Variants in GALNT13 observed in about 807,000 individuals in gnomAD.
The protein encoded by GALNT13 is polypeptide N-acetylgalactosaminyltransferase 13.
A neutral mutation model predicts 64.2 loss-of-function variants in GALNT13; 28 were observed. The ratio of observed to expected loss-of-function variants is 0.44; its 90% CI spans 0.32 to 0.60. GALNT13 has a LOEUF of 0.60. Among genes scored for constraint, GALNT13 ranks in the 20% least tolerant of loss-of-function variants. The probability of loss-of-function intolerance (pLI) is 0.05; values close to 1 mark genes in which losing one functional copy is unlikely to be tolerated. For synonymous variants in GALNT13, 214 were observed against 224.6 expected, an observed-to-expected ratio of 0.95 and a Z score of 0.42; for missense variants, 577 against 669.8, an observed-to-expected ratio of 0.86 and a Z score of 1.53.
intron 3 of GALNT13, among the ~76,000 whole-genome samples, chr2:154,100,838 G>A (rs1702309449): frequency 6.6e-6 from 1 of 152,102 alleles, no homozygotes; most frequent in East Asian, 1.9e-4. Flanking sequence ...CTGGCTGTGG[G>A]TTTGTGATAC....
chr2:153,981,692 G>A (rs141948551), intron 3 of GALNT13, among the ~76,000 whole-genome samples: 1 of 151,994 alleles, frequency 6.6e-6, no homozygotes, highest in East Asian at 1.9e-4. Context: ...GAAACTATAG[G>A]CAAAAGTTGC....
chr2:153,188,252 A>G, the GALNT13 span, among the ~76,000 whole-genome samples: 1 of 152,156 alleles, frequency 6.6e-6, no homozygotes, highest in African/African-American at 2.4e-5. Context: ...TTATGAAGAC[A>G]TTTAATTTTA....
chr2:153,167,721 G>C, the GALNT13 span, among the ~76,000 whole-genome samples: 1 of 152,162 alleles, frequency 6.6e-6, no homozygotes, highest in African/African-American at 2.4e-5. Flanking sequence ...TTAGGTTACA[G>C]AGCAAGGGGA....
chr2:153,664,192 C>A, the GALNT13 span, among the ~76,000 whole-genome samples: 17 of 152,272 alleles, frequency 1.1e-4, no homozygotes, highest in African/African-American at 3.4e-4. Flanking sequence ...GAGACCAGGG[C>A]ATATTTCATC....
At chr2:153,411,480 G>T in the GALNT13 span, among the ~76,000 whole-genome samples, 13 of 152,284 alleles carry the variant, frequency 8.5e-5, no homozygotes, top group African/African-American at 3.1e-4. Flanking sequence ...ATAAAATCGG[G>T]AGTAGGCGGT....
chr2:154,446,444 CA>C, intron 12 of GALNT13: 1 of 1,049,538 alleles, frequency 9.5e-7, no homozygotes, highest in Non-Finnish European at 1.3e-6. Context: ...TCCATGGATA[CA>C]ATTATTGTGA....
At position 154,004,310 on chromosome 2, in the gene GALNT13, A is replaced by T. The variant is rs548129393; in HGVS notation, c.142+59671A>T. ...AACCTCCACCTCCCAGGTTCAAGCG[A>T]TCCTCCTGCCTAAACCTCCCAAGTA... On this transcript the variant is annotated intron_variant, in intron 3 of 12. Coordinates refer to ENST00000392825, the MANE Select transcript of GALNT13 (RefSeq NM_052917.4). Among the ~76,000 whole-genome samples the T allele has an allele frequency of 9.3e-4, 142 of 152,084 alleles. No homozygotes were observed. In the Middle Eastern group the frequency reaches 0.01, roughly 11 times the overall value.
At chr2:154,211,114 A>T (rs1042214639) in intron 4 of GALNT13, among the ~76,000 whole-genome samples, 1 of 152,112 alleles carries the variant, frequency 6.6e-6, no homozygotes, top group East Asian at 1.9e-4. Flanking sequence ...CAACATCTAC[A>T]CTCATGCATT....
At chr2:153,769,998 C>A in the GALNT13 span, among the ~76,000 whole-genome samples, 7 of 151,908 alleles carry the variant, frequency 4.6e-5, no homozygotes, top group Non-Finnish European at 7.4e-5. Flanking sequence ...TGTTGCTTTT[C>A]AGCTTTCTCT....
At chr2:153,380,060 C>T in the GALNT13 span, among the ~76,000 whole-genome samples, 1 of 152,070 alleles carries the variant, frequency 6.6e-6, no homozygotes, top group African/African-American at 2.4e-5. Context: ...TGGAGCAGGA[C>T]TCTCTCTCCC....
At chr2:153,522,879 C>A in the GALNT13 span, among the ~76,000 whole-genome samples, 14 of 151,932 alleles carry the variant, frequency 9.2e-5, no homozygotes, top group East Asian at 1.9e-3. Context: ...TTATCAATTC[C>A]TTCTTTCATG....
At chr2:153,074,448 A>G in the GALNT13 span, among the ~76,000 whole-genome samples, 1 of 152,194 alleles carries the variant, frequency 6.6e-6, no homozygotes. Flanking sequence ...TGAGAAATGA[A>G]TCACTGGGCA....
Position 154,301,258 on chromosome 2 carries a change from T to TGG in GALNT13, c.976-151_976-150insGG. The TGG allele has an allele frequency of 5.0e-6, 3 of 599,836 alleles. No homozygotes were observed. The Admixed American group carries it at 8.3e-5, about 17-fold the overall frequency. The allele number at this position is 599,836 out of a possible 1,614,324, so 37.2% of individuals were successfully genotyped here. A position where few individuals can be genotyped will look rare whatever the true frequency, so the allele number is the denominator to read the frequency against. Reference sequence around the variant, plus strand: ...ATCAAGATCTTCCAAATTCGCATCCTTTGCCAAAAGTAAGTATAGTGTACC... The same window carrying TGG: ...ATCAAGATCTTCCAAATTCGCATCCTGGTTGCCAAAAGTAAGTATAGTGTACC... On this transcript the variant is annotated intron_variant, in intron 8 of 12. Coordinates refer to ENST00000392825, the MANE Select transcript of GALNT13 (RefSeq NM_052917.4).
chr2:154,174,176 G>C (rs764391160), intron 4 of GALNT13, among the ~76,000 whole-genome samples: 1 of 152,012 alleles, frequency 6.6e-6, no homozygotes, highest in Admixed American at 6.6e-5. Flanking sequence ...TTAAAATTAC[G>C]CAGTCTCAAC....
At chr2:154,205,078 A>G (rs1217105683) in intron 4 of GALNT13, among the ~76,000 whole-genome samples, 1 of 152,200 alleles carries the variant, frequency 6.6e-6, no homozygotes, top group African/African-American at 2.4e-5. Flanking sequence ...CTAATTCATA[A>G]TCATCGGGTG....
intron 3 of GALNT13, among the ~76,000 whole-genome samples, chr2:154,083,514 T>A (rs1359433850): frequency 6.6e-6 from 1 of 151,934 alleles, no homozygotes; most frequent in East Asian, 1.9e-4. Context: ...GCATGGCCAT[T>A]TTCATGCTAT....
intron 4 of GALNT13, among the ~76,000 whole-genome samples, chr2:154,196,104 T>TAAGAA (rs1686864087): frequency 6.6e-6 from 1 of 152,182 alleles, no homozygotes; most frequent in Non-Finnish European, 1.5e-5. Flanking sequence ...CACTGAGACC[T>TAAGAA]ATGAACACAA....
the GALNT13 span, among the ~76,000 whole-genome samples, chr2:153,693,340 C>G: frequency 6.6e-6 from 1 of 152,076 alleles, no homozygotes; most frequent in Non-Finnish European, 1.5e-5. Context: ...GGATTTAGCC[C>G]TGGGATCTAG....
At chr2:153,923,534 G>T (rs73009827) in intron 2 of GALNT13, among the ~76,000 whole-genome samples, 9,896 of 151,830 alleles carry the variant, frequency 0.065, 489 homozygotes, top group South Asian at 0.13. Context: ...TCTCAATCAT[G>T]GTTGTTTTTA....
Sources: gnomAD v4.1 joint callset for allele counts (sites outside exome capture counted in the v4.1 genomes callset) on GRCh38, gnomAD v4.1.1 for gene constraint, MANE v1.5 for transcripts, NCBI Gene and HGNC (gene_info 2026-07-23, HGNC 2026-07-21) for gene names.